The following FNDC3B variants were observed in gnomAD, a reference collection of about 807,000 sequenced individuals.
FNDC3B encodes the protein fibronectin type III domain containing 3B, also known as fibronectin type III domain-containing protein 3B.
In FNDC3B, 12 loss-of-function variants were observed where a neutral mutation model predicts 151.5. That is an observed-to-expected ratio of 0.08 (90% CI 0.05 to 0.13). FNDC3B has a LOEUF of 0.13. Ranked by LOEUF, FNDC3B falls within the 10% of genes least tolerant of loss-of-function variation. FNDC3B has a pLI of 1.00. For synonymous variants in FNDC3B, 528 were observed against 549.0 expected, an observed-to-expected ratio of 0.96 and a Z score of 0.54; for missense variants, 1,214 against 1,505.3, an observed-to-expected ratio of 0.81 and a Z score of 3.20.
chr3:172,290,906 T>G (rs933692675), intron 7 of FNDC3B, among the ~76,000 whole-genome samples: 10 of 152,202 alleles, frequency 6.6e-5, no homozygotes, highest in Admixed American at 1.3e-4. Context: ...TTCCTTAGTG[T>G]ACTCTTTAAT....
intron 6 of FNDC3B, among the ~76,000 whole-genome samples, chr3:172,281,722 C>T (rs1729734806): frequency 6.6e-6 from 1 of 152,158 alleles, no homozygotes; most frequent in Admixed American, 6.5e-5. Flanking sequence ...AGTTGGCTCA[C>T]ACCAAGTACC....
At chr3:172,130,642 A>T (rs771247994) in intron 2 of FNDC3B, among the ~76,000 whole-genome samples, 1 of 152,206 alleles carries the variant, frequency 6.6e-6, no homozygotes, top group Non-Finnish European at 1.5e-5. Context: ...GTGCAATATG[A>T]TAAGCAGATA....
chr3:172,124,804 C>T (rs946832966), intron 2 of FNDC3B, among the ~76,000 whole-genome samples: 1 of 152,132 alleles, frequency 6.6e-6, no homozygotes, highest in Admixed American at 6.6e-5. Flanking sequence ...TTTCTTCCTG[C>T]CGAGGTGGAG....
chr3:172,353,789 CATAA>C (rs1464723557), intron 22 of FNDC3B, among the ~76,000 whole-genome samples: 5 of 152,170 alleles, frequency 3.3e-5, no homozygotes, highest in South Asian at 4.1e-4. Context: ...ATGAATGCAG[CATAA>C]ATAATTTAAT....
intron 3 of FNDC3B, among the ~76,000 whole-genome samples, chr3:172,136,674 A>G (rs547310738): frequency 1.4e-4 from 22 of 152,304 alleles, no homozygotes; most frequent in African/African-American, 5.3e-4. Context: ...TCAAAACTCT[A>G]CTTATGTTCT....
chr3:172,087,302 T>C (rs1718594864), intron 1 of FNDC3B, among the ~76,000 whole-genome samples: 1 of 152,238 alleles, frequency 6.6e-6, no homozygotes, highest in Non-Finnish European at 1.5e-5. Context: ...AGACTTGCTG[T>C]TATTCACATA....
chr3:172,166,144 G>A (rs1576925222), intron 3 of FNDC3B, among the ~76,000 whole-genome samples: 1 of 152,066 alleles, frequency 6.6e-6, no homozygotes, highest in East Asian at 1.9e-4. Context: ...GCTTTACATT[G>A]GTGAAAAAAG....
At chr3:172,061,291 G>A (rs1286848067) in intron 1 of FNDC3B, among the ~76,000 whole-genome samples, 1 of 149,202 alleles carries the variant, frequency 6.7e-6, no homozygotes, top group Admixed American at 6.7e-5. Flanking sequence ...AGAGTGCAGT[G>A]GCGTGATCTC....
intron 4 of FNDC3B, among the ~76,000 whole-genome samples, chr3:172,241,311 C>T (rs988197602): frequency 6.6e-6 from 1 of 151,828 alleles, no homozygotes. Context: ...TATTTTCTTA[C>T]AATTCTAGAG....
At chr3:172,075,922 G>A (rs1159646275) in intron 1 of FNDC3B, among the ~76,000 whole-genome samples, 1 of 152,100 alleles carries the variant, frequency 6.6e-6, no homozygotes, top group Non-Finnish European at 1.5e-5. Flanking sequence ...CTGACCTGGA[G>A]TTCAAAAAAC....
At chr3:172,336,574 G>A (rs1375975532) in intron 15 of FNDC3B, among the ~76,000 whole-genome samples, 1 of 152,156 alleles carries the variant, frequency 6.6e-6, no homozygotes, top group Non-Finnish European at 1.5e-5. Context: ...AATAAATTTT[G>A]TACTTCTCTT....
Position 172,401,220 on chromosome 3 carries a change from ATTC to A in FNDC3B, c.*3749_*3751del, listed in dbSNP as rs1736564455. The A allele has an allele frequency of 6.6e-6, 1 of 152,158 alleles. No homozygotes were observed. The highest frequency in any genetic ancestry group is 1.5e-5 in the Non-Finnish European group (1 of 68,072). The allele number at this position is 152,158 out of a possible 1,614,324, so 9.4% of individuals were successfully genotyped here. A position where few individuals can be genotyped will look rare whatever the true frequency, so the allele number is the denominator to read the frequency against. The stretch of plus-strand genomic sequence containing the variant: ...GGTGTGAGCCCCCGCACCCAGCCTT[ATTC>A]TTCCCTTTTAAATACTTAAAGCACA... On this transcript the variant is annotated 3_prime_UTR_variant, in exon 26 of 26. Coordinates refer to ENST00000415807, the MANE Select transcript of FNDC3B (RefSeq NM_022763.4).
intron 1 of FNDC3B, among the ~76,000 whole-genome samples, chr3:172,100,845 T>C (rs1263418184): frequency 6.6e-6 from 1 of 152,230 alleles, no homozygotes; most frequent in African/African-American, 2.4e-5. Flanking sequence ...TGATTTTCAA[T>C]GTATCAGACA....
chr3:172,275,114 G>A (rs1339722581), intron 6 of FNDC3B, among the ~76,000 whole-genome samples: 4 of 152,220 alleles, frequency 2.6e-5, no homozygotes, highest in Non-Finnish European at 5.9e-5. Flanking sequence ...TAAGCTCACT[G>A]TTGTCTAGGG....
chr3:172,362,624 T>C lies in FNDC3B; in HGVS notation c.2796-9T>C. On this transcript the variant is annotated splice_polypyrimidine_tract_variant and intron_variant, in intron 22 of 25. Transcript: ENST00000415807. ...TGCATTGTCTGTATTTTTTTTTTCC[T>C]TTCTCTAGGATCAGAATTCAGGCTA... 1 of 1,608,078 alleles carries C rather than the reference T, an allele frequency of 6.2e-7. No individual in the cohort carries two copies.
chr3:172,388,900 T>C (rs1735866409), intron 25 of FNDC3B, among the ~76,000 whole-genome samples: 1 of 152,194 alleles, frequency 6.6e-6, no homozygotes, highest in African/African-American at 2.4e-5. Flanking sequence ...AGATGCCTAC[T>C]GCATGCCAAG....
chr3:172,285,469 T>C (rs1485579988), intron 6 of FNDC3B, among the ~76,000 whole-genome samples: 1 of 152,226 alleles, frequency 6.6e-6, no homozygotes, highest in African/African-American at 2.4e-5. Flanking sequence ...ACATGTGAAC[T>C]TAAGTAAACA....
chr3:172,289,334 G>A (rs1730196405), intron 7 of FNDC3B, among the ~76,000 whole-genome samples: 1 of 152,038 alleles, frequency 6.6e-6, no homozygotes, highest in African/African-American at 2.4e-5. Context: ...TGATTTTACT[G>A]GGCCCAGCCA....
chr3:172,122,940 A>G (rs539024591), intron 2 of FNDC3B, among the ~76,000 whole-genome samples: 1 of 152,350 alleles, frequency 6.6e-6, no homozygotes, highest in Non-Finnish European at 1.5e-5. Flanking sequence ...GTTGTTTAAA[A>G]AAATGCAAAT....
Sources: gnomAD v4.1 joint callset for allele counts (sites outside exome capture counted in the v4.1 genomes callset) on GRCh38, gnomAD v4.1.1 for gene constraint, MANE v1.5 for transcripts, NCBI Gene and HGNC (gene_info 2026-07-23, HGNC 2026-07-21) for gene names.